DAB1: variants seen among roughly 807,000 people sequenced by gnomAD.
The protein encoded by DAB1 is DAB adaptor protein 1.
A neutral mutation model predicts 64.6 loss-of-function variants in DAB1; 15 were observed. The observed-to-expected ratio is 0.23, with a 90% CI of 0.16 to 0.36. The LOEUF is 0.36. Ranked by LOEUF, DAB1 falls within the 10% of genes least tolerant of loss-of-function variation. DAB1 has a pLI of 1.00. For missense variants in DAB1, 596 were observed against 706.7 expected, an observed-to-expected ratio of 0.84 and a Z score of 1.78; for synonymous variants, 235 against 251.9, an observed-to-expected ratio of 0.93 and a Z score of 0.64.
chr1:57,397,298 C>T (rs1682891293), intron 1 of DAB1, among the ~76,000 whole-genome samples: 1 of 152,172 alleles, frequency 6.6e-6, no homozygotes, highest in Non-Finnish European at 1.5e-5. Flanking sequence ...AGTTTCCTAA[C>T]TATACAGATA....
rs761873136 is a variant in DAB1, at chr1:57,071,518, A to G, written c.558+4T>C. On this transcript the variant is annotated splice_donor_region_variant and intron_variant, in intron 6 of 14. Coordinates refer to ENST00000371236, the MANE Select transcript of DAB1 (RefSeq NM_001365792.1). ...CCAGCGCAAGGATAAATTCACAGGT[A>G]TACCTGGTACACAGCTTGTTCACAC... is the stretch of plus-strand genomic sequence containing the variant. 3.5e-5 allele frequency: 57 copies of G among 1,611,672 alleles called. No homozygotes were observed. The highest frequency in any genetic ancestry group is 4.2e-6 in the Non-Finnish European group (5 of 1,179,544).
chr1:57,415,707 C>T (rs947834685), intron 1 of DAB1, among the ~76,000 whole-genome samples: 1 of 152,170 alleles, frequency 6.6e-6, no homozygotes, highest in African/African-American at 2.4e-5. Flanking sequence ...ATACCTAGAA[C>T]TTTCGTGAGT....
At chr1:58,288,797 AAGTAATCTTTG>A (rs1661750805) in intron 4 of DAB1, among the ~76,000 whole-genome samples, 1 of 152,214 alleles carries the variant, frequency 6.6e-6, no homozygotes, top group Non-Finnish European at 1.5e-5. Context: ...ACTTGAGACA[AAGTAATCTTTG>A]AGGCTTCTTT....
intron 1 of DAB1, among the ~76,000 whole-genome samples, chr1:57,349,108 A>G (rs955147810): frequency 6.6e-6 from 1 of 152,172 alleles, no homozygotes; most frequent in Non-Finnish European, 1.5e-5. Context: ...TAATCCCAAT[A>G]GCTCCTGACT....
At chr1:57,829,267 G>A (rs185069928) in intron 1 of DAB1, among the ~76,000 whole-genome samples, 3 of 152,122 alleles carry the variant, frequency 2.0e-5, no homozygotes, top group African/African-American at 4.8e-5. Flanking sequence ...TAAGAAGTTC[G>A]CTTAAGAAAA....
chr1:57,123,204 T>A (rs1656821534), intron 4 of DAB1, among the ~76,000 whole-genome samples: 1 of 152,112 alleles, frequency 6.6e-6, no homozygotes, highest in Non-Finnish European at 1.5e-5. Context: ...TATGGGAATA[T>A]TGGCAGTCCA....
chr1:57,201,029 T>C (rs376519616), intron 2 of DAB1, among the ~76,000 whole-genome samples: 24 of 152,260 alleles, frequency 1.6e-4, no homozygotes, highest in South Asian at 8.3e-4. Flanking sequence ...GAGAGAACCA[T>C]TGGGCTTGAT....
chr1:57,574,231 C>T (rs1425510209), intron 7 of DAB1, among the ~76,000 whole-genome samples: 3 of 152,122 alleles, frequency 2.0e-5, no homozygotes, highest in South Asian at 2.1e-4. Context: ...TCACCATGAC[C>T]TAACCAGTGC....
At chr1:58,050,444 G>A (rs1167316572) in intron 5 of DAB1, among the ~76,000 whole-genome samples, 2 of 152,276 alleles carry the variant, frequency 1.3e-5, no homozygotes, top group East Asian at 1.9e-4. Context: ...ACATATGGTA[G>A]TGTGATGAAG....
chr1:57,320,697 T>C (rs1675637753), intron 1 of DAB1, among the ~76,000 whole-genome samples: 1 of 152,210 alleles, frequency 6.6e-6, no homozygotes, highest in Non-Finnish European at 1.5e-5. Context: ...AAATATTATA[T>C]ATATCACCAT....
chr1:58,497,814 G>A (rs1312865832), intron 3 of DAB1, among the ~76,000 whole-genome samples: 1 of 152,022 alleles, frequency 6.6e-6, no homozygotes, highest in Non-Finnish European at 1.5e-5. Flanking sequence ...TCTACAACGT[G>A]GCGGCTTTCC....
At chr1:57,996,544 T>C in intron 5 of DAB1, among the ~76,000 whole-genome samples, 1 of 152,194 alleles carries the variant, frequency 6.6e-6, no homozygotes, top group East Asian at 1.9e-4. Context: ...TCATGAGCCC[T>C]TGCTTTGATC....
chr1:57,438,013 C>G, intron 7 of DAB1, among the ~76,000 whole-genome samples: 1 of 152,162 alleles, frequency 6.6e-6, no homozygotes, highest in East Asian at 1.9e-4. Context: ...TAAGGTTGGG[C>G]TAGGTGGTTT....
intron 5 of DAB1, among the ~76,000 whole-genome samples, chr1:58,016,422 G>A (rs1442881822): frequency 1.3e-5 from 2 of 152,138 alleles, no homozygotes; most frequent in African/African-American, 2.4e-5. Flanking sequence ...CATGTTAAGT[G>A]ATACGAGGAT....
intron 4 of DAB1, among the ~76,000 whole-genome samples, chr1:58,322,227 A>G (rs1366257277): frequency 6.6e-6 from 1 of 152,250 alleles, no homozygotes; most frequent in Admixed American, 6.5e-5. Context: ...AACAAAAGCC[A>G]AAATAGACAA....
At chr1:57,988,540 G>A (rs543034750) in intron 5 of DAB1, among the ~76,000 whole-genome samples, 1 of 152,288 alleles carries the variant, frequency 6.6e-6, no homozygotes, top group African/African-American at 2.4e-5. Flanking sequence ...CTGGGGAGCA[G>A]GATCCTGGTC....
chr1:57,135,875 A>G (rs943984911), intron 4 of DAB1, among the ~76,000 whole-genome samples: 8 of 152,066 alleles, frequency 5.3e-5, no homozygotes, highest in Non-Finnish European at 1.2e-4. Context: ...CATCTATTTG[A>G]CTCTTGTTCT....
intron 4 of DAB1, among the ~76,000 whole-genome samples, chr1:57,086,649 AC>A (rs1424348016): frequency 7.5e-6 from 1 of 133,656 alleles, no homozygotes; most frequent in Admixed American, 7.4e-5. Flanking sequence ...TCTTAAACAC[AC>A]ACACACACAC....
intron 4 of DAB1, among the ~76,000 whole-genome samples, chr1:58,240,819 T>C (rs1477848592): frequency 6.6e-6 from 1 of 152,180 alleles, no homozygotes; most frequent in East Asian, 1.9e-4. Flanking sequence ...CCCTGGTATA[T>C]TAGTCCACAG....
Sources: allele counts gnomAD v4.1 joint callset (sites outside exome capture counted in the v4.1 genomes callset), GRCh38; gene constraint gnomAD v4.1.1; transcripts MANE v1.5; gene names NCBI Gene and HGNC (gene_info 2026-07-23, HGNC 2026-07-21).